The following PDE4D variants were observed in gnomAD, a reference collection of about 807,000 sequenced individuals.
PDE4D encodes the protein phosphodiesterase 4D.
A neutral mutation model predicts 87.4 loss-of-function variants in PDE4D; 24 were observed. The ratio of observed to expected loss-of-function variants is 0.27; its 90% CI spans 0.20 to 0.39. The LOEUF (loss-of-function observed/expected upper bound fraction) is 0.39. Among genes scored for constraint, PDE4D ranks in the 10% least tolerant of loss-of-function variants. The pLI, the probability that PDE4D is intolerant of heterozygous loss-of-function variation, is 1.00. For synonymous variants in PDE4D, 384 were observed against 383.2 expected (o/e 1.00, Z -0.02); for missense variants, 714 against 1,041.0 (o/e 0.69, Z 4.32).
intron 1 of PDE4D, among the ~76,000 whole-genome samples, chr5:59,242,412 C>T (rs1757861916): frequency 1.3e-5 from 2 of 152,110 alleles, no homozygotes; most frequent in Non-Finnish European, 2.9e-5. Flanking sequence ...TTACCAAATT[C>T]TCTGAGCAAC....
chr5:58,977,414 TC>T, intron 11 of PDE4D, 69 bp from the exon 12 acceptor site: 1 of 1,471,514 alleles, frequency 6.8e-7, no homozygotes, highest in South Asian at 1.2e-5. Context: ...TTCTTAAAAT[TC>T]TGGATTTAGG....
rs372373935 is a variant in PDE4D, at chr5:59,788,790, T to C, written c.455+104378A>G. On this transcript the variant is annotated intron_variant, in intron 1 of 14. Transcript: ENST00000340635. ...TTAAATTATTATAGTTAATGTAACC[T>C]CCCTTGTTGCATTAGGCTAGAAAGT... 5.3e-5 allele frequency among the ~76,000 whole-genome samples: 8 copies of C among 152,328 alleles called. No homozygotes were observed. In the East Asian group the frequency reaches 5.8e-4, roughly 11 times the overall value.
At chr5:60,228,990 T>C (rs1263500512) in intron 1 of PDE4D, among the ~76,000 whole-genome samples, 1 of 152,154 alleles carries the variant, frequency 6.6e-6, no homozygotes, top group Non-Finnish European at 1.5e-5. Context: ...GCATTTGTTA[T>C]GCAGCAATAT....
chr5:59,055,110 T>C (rs1180288196), intron 5 of PDE4D, among the ~76,000 whole-genome samples: 2 of 152,146 alleles, frequency 1.3e-5, no homozygotes, highest in African/African-American at 2.4e-5. Context: ...TATGAATGAA[T>C]GAATGACATG....
At chr5:60,085,421 A>T (rs1237328941) in intron 2 of PDE4D, among the ~76,000 whole-genome samples, 1 of 152,168 alleles carries the variant, frequency 6.6e-6, no homozygotes, top group African/African-American at 2.4e-5. Context: ...ACCTCCAGGC[A>T]TAGCCAGTCT....
At chr5:59,730,884 C>A (rs1264714694) in intron 1 of PDE4D, among the ~76,000 whole-genome samples, 1 of 152,132 alleles carries the variant, frequency 6.6e-6, no homozygotes, top group Non-Finnish European at 1.5e-5. Context: ...GTATTATACC[C>A]CTAACATAAT....
chr5:59,449,256 G>T (rs1006758668), intron 1 of PDE4D, among the ~76,000 whole-genome samples: 1 of 152,050 alleles, frequency 6.6e-6, no homozygotes, highest in African/African-American at 2.4e-5. Context: ...GTTAGTAATA[G>T]TCCCCCTTTT....
chr5:60,337,411 A>ACACACACACACAC (rs1757909509), intron 1 of PDE4D, among the ~76,000 whole-genome samples: 1 of 142,952 alleles, frequency 7.0e-6, no homozygotes, highest in African/African-American at 2.6e-5. Context: ...ACACACATAT[A>ACACACACACACAC]TCAATTCATA....
chr5:59,777,126 C>A (rs1304451663), intron 1 of PDE4D, among the ~76,000 whole-genome samples: 2 of 152,124 alleles, frequency 1.3e-5, no homozygotes, highest in Non-Finnish European at 2.9e-5. Context: ...TTCTGGAGTG[C>A]GTTCTTTTTT....
At chr5:59,133,144 C>T (rs1279703889) in intron 5 of PDE4D, among the ~76,000 whole-genome samples, 1 of 152,116 alleles carries the variant, frequency 6.6e-6, no homozygotes, top group Admixed American at 6.5e-5. Context: ...AATGCTGTCA[C>T]ATGCATGAAA....
chr5:60,417,654 C>T (rs761400480), intron 1 of PDE4D, among the ~76,000 whole-genome samples: 15 of 151,956 alleles, frequency 9.9e-5, no homozygotes, highest in Non-Finnish European at 1.9e-4. Context: ...GAGGATGGGG[C>T]TTGGGGGCTT....
rs530226433 is a variant in PDE4D, at chr5:59,011,141, C to T, written c.922-17676G>A. ...CATCCACACCAAAACCCCATATGTA[C>T]GTCACCATCATCAAAGACCAAAGGT... On this transcript the variant is annotated intron_variant, in intron 6 of 14. Transcript: ENST00000340635. Among the ~76,000 whole-genome samples the T allele has an allele frequency of 3.9e-5, 6 of 152,188 alleles. No individual in the cohort carries two copies. The East Asian group carries it at 5.8e-4, about 15-fold the overall frequency.
rs561654389 is a variant in PDE4D, at chr5:59,681,764, G to A, written c.455+211404C>T. Among the ~76,000 whole-genome samples the A allele has an allele frequency of 1.2e-4, 18 of 151,856 alleles. 1 individual carries two copies. Among genetic ancestry groups the A allele is most frequent in the South Asian group, 1.0e-3 (5 of 4,810 alleles). On this transcript the variant is annotated intron_variant, in intron 1 of 14. Transcript: ENST00000340635. Reference sequence around the variant, plus strand: ...ACAAAATACAAAAAATTAGCCGGGCGTGGTGGTGGGTGCCTGTAGTCCCAG... The same window carrying A: ...ACAAAATACAAAAAATTAGCCGGGCATGGTGGTGGGTGCCTGTAGTCCCAG...
chr5:60,072,212 T>A (rs1461707482), intron 2 of PDE4D, among the ~76,000 whole-genome samples: 1 of 152,188 alleles, frequency 6.6e-6, no homozygotes, highest in Non-Finnish European at 1.5e-5. Context: ...TAATAGCCAT[T>A]CTGACTGATG....
chr5:59,388,749 T>C (rs1201683827), intron 1 of PDE4D, among the ~76,000 whole-genome samples: 1 of 152,044 alleles, frequency 6.6e-6, no homozygotes. Flanking sequence ...GTGACAGATA[T>C]ACCATGAATG....
At chr5:60,248,808 T>A (rs1036547421) in intron 1 of PDE4D, among the ~76,000 whole-genome samples, 1 of 152,014 alleles carries the variant, frequency 6.6e-6, no homozygotes, top group Non-Finnish European at 1.5e-5. Context: ...AACTTCTAAA[T>A]CTCTTTACAT....
upstream of PDE4D, chr5:60,490,637 A>G (rs1342104691): frequency 6.6e-6 from 1 of 152,196 alleles, no homozygotes; most frequent in African/African-American, 2.4e-5. Context: ...TGGTGATCAC[A>G]TCAGGCCCTA....
intron 1 of PDE4D, among the ~76,000 whole-genome samples, chr5:59,614,464 T>C (rs1333139971): frequency 1.3e-5 from 2 of 152,222 alleles, no homozygotes; most frequent in African/African-American, 4.8e-5. Context: ...TAGAGCTATA[T>C]GAGATATGTG....
At chr5:59,587,311 T>C (rs1198765735) in intron 1 of PDE4D, 34 of 425,404 alleles carry the variant, frequency 8.0e-5, no homozygotes, top group Non-Finnish European at 1.0e-4. Context: ...CTAAGAATTC[T>C]TCCCCCGATG....
Sources: gnomAD v4.1 joint callset for allele counts (sites outside exome capture counted in the v4.1 genomes callset) on GRCh38, gnomAD v4.1.1 for gene constraint, MANE v1.5 for transcripts, NCBI Gene and HGNC (gene_info 2026-07-23, HGNC 2026-07-21) for gene names.